UBE4B: variants seen among roughly 807,000 people sequenced by gnomAD.
UBE4B encodes the protein ubiquitin conjugation factor E4 B.
UBE4B carries 27 observed loss-of-function variants against 148.1 expected under a neutral mutation model. The ratio of observed to expected loss-of-function variants is 0.18; its 90% CI spans 0.13 to 0.25. The LOEUF is 0.25. UBE4B is among the 10% of genes least tolerant of loss of function. The pLI, the probability that UBE4B is intolerant of heterozygous loss-of-function variation, is 1.00. For missense variants in UBE4B, 1,170 were observed against 1,662.4 expected (o/e 0.70, Z 5.15); for synonymous variants, 596 against 619.3 (o/e 0.96, Z 0.56).
chr1:10,111,028 GTCTT>G (rs1376218151), intron 7 of UBE4B, among the ~76,000 whole-genome samples: 19 of 110,916 alleles, frequency 1.7e-4, no homozygotes, highest in South Asian at 2.9e-4. Flanking sequence ...GTCTCTCTCT[GTCTT>G]TCTCTGTCTC....
intron 24 of UBE4B, among the ~76,000 whole-genome samples, chr1:10,170,725 A>G (rs1557615329): frequency 2.0e-5 from 3 of 152,204 alleles, no homozygotes; most frequent in Admixed American, 1.3e-4. Context: ...ATTTATGGGG[A>G]AAAAAGTTTA....
At chr1:10,065,069 A>G (rs1371591794) in intron 1 of UBE4B, among the ~76,000 whole-genome samples, 4 of 152,008 alleles carry the variant, frequency 2.6e-5, no homozygotes, top group African/African-American at 9.7e-5. Context: ...GGCCCTAAAA[A>G]TTTTTAAATC....
chr1:10,143,426 CCTT>C (rs1311701203), intron 17 of UBE4B, among the ~76,000 whole-genome samples: 1 of 152,060 alleles, frequency 6.6e-6, no homozygotes, highest in Non-Finnish European at 1.5e-5. Context: ...AACAAGATCT[CCTT>C]CTCTCTCTGA....
Position 10,161,022 on chromosome 1 carries a change from A to T in UBE4B, c.3054-120A>T. On this transcript the variant is annotated intron_variant, in intron 22 of 27. Coordinates refer to ENST00000343090, the MANE Select transcript of UBE4B (RefSeq NM_001105562.3). This position sits in a 1 kb window ranked among gnomAD's most constrained non-coding sequence, Gnocchi z 4.1. ...CATAGTGCCTGACTTGTGCCAGGGT[A>T]GCCAGGCTTTTAGGGTGAGATAGTT... 1 of 1,082,958 alleles carries T rather than the reference A, an allele frequency of 9.2e-7. No individual in the cohort carries two copies. The allele number at this position is 1,082,958 out of a possible 1,614,324, so 67.1% of individuals were successfully genotyped here.
Position 10,150,643 on chromosome 1 carries a change from C to T in UBE4B, c.2691-683C>T, listed in dbSNP as rs548498896. Among the ~76,000 whole-genome samples, 12 of 152,120 alleles carry T rather than the reference C, an allele frequency of 7.9e-5. No individual in the cohort carries two copies. The South Asian group carries it at 8.3e-4, about 11-fold the overall frequency. ...TTGGGAGGCCAAGGTGGGCAAATCA[C>T]GAGGTCAAAAGATCAAGACCATCCT... On this transcript the variant is annotated intron_variant, in intron 20 of 27. Transcript: ENST00000343090.
At chr1:10,070,401 A>C (rs1440644611) in intron 1 of UBE4B, among the ~76,000 whole-genome samples, 1 of 151,710 alleles carries the variant, frequency 6.6e-6, no homozygotes, top group Non-Finnish European at 1.5e-5. Context: ...GTGAGTTTTC[A>C]TAAAGTGGAC....
At chr1:10,172,870 C>T (rs558966313) in intron 25 of UBE4B, among the ~76,000 whole-genome samples, 46 of 152,134 alleles carry the variant, frequency 3.0e-4, no homozygotes, top group African/African-American at 9.2e-4. Context: ...ATTATAATAC[C>T]GTATTTTCAC....
Position 10,180,244 on chromosome 1 carries a change from A to T in UBE4B, c.*288A>T, listed in dbSNP as rs1379992442. 2 of 443,856 alleles carry T rather than the reference A, an allele frequency of 4.5e-6. No homozygotes were observed. The highest frequency in any genetic ancestry group is 4.0e-5 in the African/African-American group (2 of 50,166). The allele number at this position is 443,856 out of a possible 1,614,324, so 27.5% of individuals were successfully genotyped here. A position where few individuals can be genotyped will look rare whatever the true frequency, so the allele number is the denominator to read the frequency against. On this transcript the variant is annotated 3_prime_UTR_variant, in exon 28 of 28. Coordinates refer to ENST00000343090, the MANE Select transcript of UBE4B (RefSeq NM_001105562.3). ...TCCTTCGTATGTCACAGTTTGGGGC[A>T]ACGGAAGTCTTTTAGTGATGGCTAA...
chr1:10,072,396 A>C, intron 2 of UBE4B, 182 bp downstream of exon 2: 1 of 757,254 alleles, frequency 1.3e-6, no homozygotes, highest in South Asian at 1.7e-5. Context: ...TTTTATTGCA[A>C]TCTGTTAAAC....
chr1:10,045,270 G>A (rs1643889320), intron 1 of UBE4B, among the ~76,000 whole-genome samples: 1 of 152,182 alleles, frequency 6.6e-6, no homozygotes, highest in South Asian at 2.1e-4. Context: ...CCGCATTAGG[G>A]AGCTTCAGAG....
intron 7 of UBE4B, among the ~76,000 whole-genome samples, chr1:10,115,435 A>AT (rs1022826817): frequency 1.3e-5 from 2 of 151,504 alleles, no homozygotes; most frequent in African/African-American, 4.9e-5. Flanking sequence ...TGCCTGGCTA[A>AT]TTTTTTTGTA....
intron 3 of UBE4B, chr1:10,100,773 C>T (rs770870412): frequency 2.8e-5 from 6 of 216,502 alleles, no homozygotes; most frequent in Admixed American, 5.5e-5. Context: ...AGGCTGATCT[C>T]GAACTCCTGA....
Position 10,168,161 on chromosome 1 carries a change from A to G in UBE4B, c.3224A>G (p.Gln1075Arg). The G allele has an allele frequency of 6.2e-7, 1 of 1,614,094 alleles. No individual in the cohort carries two copies. The highest frequency in any genetic ancestry group is 8.5e-7 in the Non-Finnish European group (1 of 1,180,032). ...GATCAGCAGCAGGCTCGTCAGTCTC[A>G]GCTTGCTCAGGATGAGCGTGTGTCC... Reference protein sequence around the residue: ...PRDQQQARQSQLAQDERVSRS... With the variant: ...PRDQQQARQSRLAQDERVSRS... Residue 1075 changes from glutamine to arginine, a missense_variant, in exon 24 of 28, where the codon CAG (glutamine) becomes CGG (arginine). Physicochemically the swap from Gln to Arg is conservative, Grantham distance 43 (BLOSUM62 1). This residue lies in a region of UBE4B where 348 missense variants were observed against 627.2 expected (regional missense o/e 0.55). Coordinates refer to ENST00000343090, the MANE Select transcript of UBE4B (RefSeq NM_001105562.3). This position sits in a 1 kb window ranked among gnomAD's most constrained non-coding sequence, Gnocchi z 4.9.
chr1:10,133,076 C>T (rs925121968), intron 15 of UBE4B, among the ~76,000 whole-genome samples: 1 of 146,868 alleles, frequency 6.8e-6, no homozygotes, highest in African/African-American at 2.4e-5. Flanking sequence ...CAGGAACAGA[C>T]CCAAGGGGGC....
chr1:10,095,691 C>G, intron 3 of UBE4B, 95 bp downstream of exon 3: 4 of 1,466,086 alleles, frequency 2.7e-6, no homozygotes, highest in Non-Finnish European at 3.7e-6. Flanking sequence ...GAAATGCCAG[C>G]TAGAGACCCA....
chr1:10,104,808 T>C (rs1489551580), intron 5 of UBE4B, among the ~76,000 whole-genome samples: 1 of 152,196 alleles, frequency 6.6e-6, no homozygotes, highest in Non-Finnish European at 1.5e-5. Context: ...AAAACAAGTG[T>C]CTTACACATG....
In UBE4B at chr1:10,064,615, A is replaced by G. The variant is rs376251769; in HGVS notation, c.25-7413A>G. On this transcript the variant is annotated intron_variant, in intron 1 of 27. Transcript: ENST00000343090. ...TCATTACCCTTCAGTTCCACTCTCT[A>G]TCACCTCGTCTCTTTGTCACTTCCT... is the stretch of plus-strand genomic sequence containing the variant. Among the ~76,000 whole-genome samples the G allele has an allele frequency of 2.6e-4, 39 of 152,082 alleles. 2 individuals are homozygous for G. In the South Asian group the frequency reaches 7.7e-3, roughly 30 times the overall value.
chr1:10,112,307 A>G (rs1205912513), intron 7 of UBE4B, among the ~76,000 whole-genome samples: 2 of 152,246 alleles, frequency 1.3e-5, no homozygotes, highest in Non-Finnish European at 2.9e-5. Flanking sequence ...CCAAGATTTT[A>G]GGATGTCACA....
At chr1:10,076,792 G>A (rs1324725573) in intron 2 of UBE4B, among the ~76,000 whole-genome samples, 5 of 144,792 alleles carry the variant, frequency 3.5e-5, no homozygotes, top group Non-Finnish European at 7.5e-5. Context: ...TGTCACCCAG[G>A]CTGGAGTGCA....
Sources: gnomAD v4.1 joint callset for allele counts (sites outside exome capture counted in the v4.1 genomes callset) on GRCh38, gnomAD v4.1.1 for gene constraint, gnomAD v4.1.1 regional missense constraint, Gnocchi (gnomAD v3.1) non-coding constraint, MANE v1.5 for transcripts, NCBI Gene and HGNC (gene_info 2026-07-23, HGNC 2026-07-21) for gene names.